The following EYA2 variants were observed in gnomAD, a reference collection of about 807,000 sequenced individuals.
The protein encoded by EYA2 is protein phosphatase EYA2.
EYA2 carries 31 observed loss-of-function variants against 69.2 expected under a neutral mutation model. The ratio of observed to expected loss-of-function variants is 0.45; its 90% CI spans 0.34 to 0.60. EYA2 has a LOEUF of 0.60. Among genes scored for constraint, EYA2 ranks in the 20% least tolerant of loss-of-function variants. The pLI is 0.02. For synonymous variants in EYA2, 257 were observed against 279.4 expected, an observed-to-expected ratio of 0.92 and a Z score of 0.80; for missense variants, 622 against 701.2, an observed-to-expected ratio of 0.89 and a Z score of 1.28.
intron 5 of EYA2, among the ~76,000 whole-genome samples, chr20:47,056,476 C>T (rs904877866): frequency 2.6e-5 from 4 of 151,856 alleles, no homozygotes; most frequent in African/African-American, 9.7e-5. Context: ...TATGAAGACA[C>T]AAAAAATTAT....
chr20:47,092,348 G>A (rs865975083), intron 8 of EYA2, among the ~76,000 whole-genome samples: 1 of 152,094 alleles, frequency 6.6e-6, no homozygotes, highest in Non-Finnish European at 1.5e-5. Context: ...TTTTTGCCTT[G>A]TTCTTAAAGC....
At chr20:46,983,535 G>A (rs766485042) in intron 1 of EYA2, among the ~76,000 whole-genome samples, 6 of 152,076 alleles carry the variant, frequency 3.9e-5, no homozygotes, top group Non-Finnish European at 5.9e-5. Flanking sequence ...CTGTAATTAG[G>A]CAACTGCAAA....
At chr20:46,929,606 A>G (rs1190211782) in intron 1 of EYA2, among the ~76,000 whole-genome samples, 3 of 152,136 alleles carry the variant, frequency 2.0e-5, no homozygotes, top group Non-Finnish European at 4.4e-5. Flanking sequence ...CAGGGAGTCC[A>G]GCTTTAAGAT....
intron 8 of EYA2, among the ~76,000 whole-genome samples, chr20:47,090,062 C>T (rs889487489): frequency 7.9e-5 from 12 of 151,938 alleles, no homozygotes; most frequent in African/African-American, 2.4e-4. Flanking sequence ...GGACTGCACA[C>T]GACAATCACA....
intron 2 of EYA2, among the ~76,000 whole-genome samples, chr20:46,999,655 T>C (rs1162913881): frequency 6.6e-6 from 1 of 152,188 alleles, no homozygotes; most frequent in East Asian, 1.9e-4. Flanking sequence ...ACTCTCTAAA[T>C]GAACTTCAAG....
intron 1 of EYA2, among the ~76,000 whole-genome samples, chr20:46,900,709 A>G (rs996657264): frequency 1.3e-5 from 2 of 152,208 alleles, no homozygotes; most frequent in African/African-American, 4.8e-5. Context: ...AAAACAGCAA[A>G]TGTTGGACTT....
At chr20:47,124,238 T>C (rs1449619835) in intron 9 of EYA2, among the ~76,000 whole-genome samples, 1 of 152,152 alleles carries the variant, frequency 6.6e-6, no homozygotes. Flanking sequence ...TGGTAAAGGG[T>C]TACACCCTTA....
chr20:47,125,140 A>T (rs1466311539), intron 9 of EYA2, among the ~76,000 whole-genome samples: 7 of 135,792 alleles, frequency 5.2e-5, no homozygotes, highest in Non-Finnish European at 1.1e-4. Flanking sequence ...TGCAAGCTCC[A>T]CCTCCTGGGT....
In EYA2 at chr20:47,089,379, G is replaced by A; in HGVS notation, c.802G>A (p.Glu268Lys). Residue 268 changes from glutamate (E) to lysine (K), a missense_variant and splice_region_variant, in exon 8 of 16, where the codon GAG becomes AAG. Glu to Lys is a moderately conservative substitution (Grantham distance 56, BLOSUM62 1). Coordinates refer to ENST00000327619, the MANE Select transcript of EYA2 (RefSeq NM_005244.5). ...GTCCCCGGCAGGGGACAATGAGATT[G>A]AGGTAATCCAAAGGGGCTCTGTGTG... ...DPSPAGDNEIERVFVWDLDET... is the reference protein window; with the variant it reads ...DPSPAGDNEIKRVFVWDLDET... The A allele has an allele frequency of 1.2e-6, 2 of 1,612,524 alleles. No individual in the cohort carries two copies. The highest frequency in any genetic ancestry group is 2.2e-5 in the South Asian group (2 of 90,948).
chr20:46,927,377 A>G (rs1169036127), intron 1 of EYA2, among the ~76,000 whole-genome samples: 2 of 152,212 alleles, frequency 1.3e-5, no homozygotes, highest in Non-Finnish European at 2.9e-5. Context: ...TACGTGTTGC[A>G]GTTTCAGAGC....
At chr20:47,162,770 T>C (rs145121726) in intron 10 of EYA2, among the ~76,000 whole-genome samples, 2,799 of 152,026 alleles carry the variant, frequency 0.018, 98 homozygotes, top group African/African-American at 0.064. Context: ...GCACCCTCTT[T>C]GGCCTCCCAA....
At chr20:47,149,919 G>A (rs889337484) in intron 10 of EYA2, among the ~76,000 whole-genome samples, 1 of 152,184 alleles carries the variant, frequency 6.6e-6, no homozygotes, top group Non-Finnish European at 1.5e-5. Context: ...AGATGCAGCA[G>A]GACTGAGGAG....
At chr20:47,021,072 G>A (rs886107599) in intron 5 of EYA2, among the ~76,000 whole-genome samples, 1 of 152,160 alleles carries the variant, frequency 6.6e-6, no homozygotes, top group African/African-American at 2.4e-5. Flanking sequence ...ATGACTAAAT[G>A]AGTTAATGTA....
rs1203652960 is a variant in EYA2 at position 47,188,310 on chromosome 20, A to T, written c.*177A>T. 1.6e-6 allele frequency: 1 copy of T among 630,182 alleles called. No homozygotes were observed. The highest frequency in any genetic ancestry group is 2.7e-5 in the East Asian group (1 of 36,574). 39.0% of individuals were successfully genotyped at this position (630,182 alleles called of 1,614,324 possible). A position where few individuals can be genotyped will look rare whatever the true frequency, so the allele number is the denominator to read the frequency against. On this transcript the variant is annotated 3_prime_UTR_variant, in exon 16 of 16. Coordinates refer to ENST00000327619, the MANE Select transcript of EYA2 (RefSeq NM_005244.5). The stretch of plus-strand genomic sequence containing the variant: ...TCCATCAGTCCAAATGGGGGTTCTG[A>T]GAAGGAAAGTACCCAACATTGGCTT...
intron 8 of EYA2, among the ~76,000 whole-genome samples, chr20:47,094,854 C>A (rs1048129798): frequency 1.3e-5 from 2 of 152,174 alleles, no homozygotes; most frequent in East Asian, 3.9e-4. Flanking sequence ...CATAGCGAGA[C>A]CCTGTCTCTA....
At chr20:47,055,835 C>T (rs1568749536) in intron 5 of EYA2, among the ~76,000 whole-genome samples, 1 of 152,188 alleles carries the variant, frequency 6.6e-6, no homozygotes, top group East Asian at 1.9e-4. Context: ...AGAGTAGCCC[C>T]ACTGTCCTGC....
At chr20:46,908,591 G>A (rs761902606) in intron 1 of EYA2, among the ~76,000 whole-genome samples, 2 of 152,138 alleles carry the variant, frequency 1.3e-5, no homozygotes, top group South Asian at 2.1e-4. Flanking sequence ...GACTGCAACC[G>A]CAGATACCCA....
intron 7 of EYA2, among the ~76,000 whole-genome samples, chr20:47,084,350 G>A (rs1161324530): frequency 2.0e-5 from 3 of 152,150 alleles, no homozygotes; most frequent in Non-Finnish European, 4.4e-5. Flanking sequence ...AGACCAGCGT[G>A]GGCAACATGG....
intron 1 of EYA2, among the ~76,000 whole-genome samples, chr20:46,896,982 T>C (rs1218999627): frequency 6.6e-6 from 1 of 151,398 alleles, no homozygotes; most frequent in Non-Finnish European, 1.5e-5. Context: ...TAAAATAAAA[T>C]AAAAAGATGT....
Sources: allele counts gnomAD v4.1 joint callset (sites outside exome capture counted in the v4.1 genomes callset), GRCh38; gene constraint gnomAD v4.1.1; transcripts MANE v1.5; gene names NCBI Gene and HGNC (gene_info 2026-07-23, HGNC 2026-07-21).